DMD: variants seen among roughly 807,000 people sequenced by gnomAD.
The protein encoded by DMD is mutant dystrophin.
DMD carries 63 observed loss-of-function variants against 330.1 expected under a neutral mutation model. The ratio of observed to expected loss-of-function variants is 0.19; its 90% CI spans 0.16 to 0.24. The LOEUF is 0.24. Among genes scored for constraint, DMD ranks in the 10% least tolerant of loss-of-function variants. The probability of loss-of-function intolerance (pLI) is 1.00; values close to 1 mark genes in which losing one functional copy is unlikely to be tolerated. For synonymous variants in DMD, 1,223 were observed against 959.8 expected (o/e 1.27, Z -5.07); for missense variants, 3,344 against 2,684.1 (o/e 1.25, Z -5.43).
chrX:31,373,561 C>A (rs1459187012), intron 60 of DMD, among the ~76,000 whole-genome samples: 159 of 104,790 alleles, frequency 1.5e-3, no homozygotes, highest in African/African-American at 5.1e-3. Context: ...GAAAAACAAG[C>A]AATGGGGAAA....
intron 48 of DMD, among the ~76,000 whole-genome samples, chrX:31,862,132 A>AATT (rs1042728833): frequency 1.8e-5 from 2 of 109,557 alleles, no homozygotes; most frequent in Non-Finnish European, 3.8e-5. Flanking sequence ...AAATAAACAA[A>AATT]ATTATTATTA....
intron 55 of DMD, among the ~76,000 whole-genome samples, chrX:31,560,489 T>C (rs1181679429): frequency 8.9e-6 from 1 of 111,814 alleles, no homozygotes; most frequent in Non-Finnish European, 1.9e-5. Context: ...TGAATGGGCT[T>C]CACAATGATC....
chrX:32,878,250 C>A (rs1250009820), intron 2 of DMD, among the ~76,000 whole-genome samples: 1 of 110,019 alleles, frequency 9.1e-6, no homozygotes, highest in Admixed American at 9.6e-5. Context: ...TAGTGGCGGG[C>A]GCCTGTAGTC....
chrX:31,230,589 T>C (rs1368824462), intron 63 of DMD, among the ~76,000 whole-genome samples: 1 of 108,396 alleles, frequency 9.2e-6, no homozygotes, highest in African/African-American at 3.4e-5. Flanking sequence ...GTGGAGGTTG[T>C]AGTGAGCTGA....
At chrX:31,779,814 T>C (rs1439309610) in intron 50 of DMD, among the ~76,000 whole-genome samples, 7 of 110,728 alleles carry the variant, frequency 6.3e-5, no homozygotes, top group Non-Finnish European at 1.3e-4. Flanking sequence ...CATGCATTCA[T>C]TAGAAAATTA....
intron 2 of DMD, chrX:32,960,208 A>C (rs1434706326): frequency 9.0e-6 from 1 of 111,571 alleles, no homozygotes; most frequent in Non-Finnish European, 1.9e-5. Context: ...ATGGACTTAC[A>C]CTGTTCAGAA....
intron 67 of DMD, among the ~76,000 whole-genome samples, chrX:31,183,497 G>A (rs758253972): frequency 3.9e-4 from 43 of 111,347 alleles, no homozygotes; most frequent in African/African-American, 1.2e-3. Context: ...CTGTTTTCAT[G>A]ATGCCCTGTT....
At chrX:32,665,136 TTA>T (rs770807470) in intron 9 of DMD, among the ~76,000 whole-genome samples, 2 of 112,279 alleles carry the variant, frequency 1.8e-5, no homozygotes, top group African/African-American at 6.5e-5. Flanking sequence ...GTTGAACAAA[TTA>T]TGTGTCATTT....
At chrX:32,619,372 T>A (rs1327956761) in intron 11 of DMD, among the ~76,000 whole-genome samples, 1 of 111,119 alleles carries the variant, frequency 9.0e-6, no homozygotes, top group East Asian at 2.8e-4. Context: ...GTCAAAATAT[T>A]CAAGTGATGT....
chrX:31,729,721 G>C lies in DMD; in HGVS notation c.7570C>G (p.Arg2524Gly). The change falls in exon 52 of 79, where the codon CGT becomes GGT. Residue 2524 changes from arginine to glycine, a missense_variant. By Grantham distance (125) the Arg-to-Gly change is moderately radical. Coordinates refer to ENST00000357033, the MANE Select transcript of DMD (RefSeq NM_004006.3). ...KATMQDLEQR[R>G]PQLEELITAA... ...GTAATGAGTTCTTCCAACTGGGGACGCCTCTGTTCCAAATCCTGCATTGTT... is the reference window on the plus strand; with the variant it reads ...GTAATGAGTTCTTCCAACTGGGGACCCCTCTGTTCCAAATCCTGCATTGTT... 8.3e-7 allele frequency: 1 copy of C among 1,210,879 alleles called. No individual in the cohort carries two copies. The highest frequency in any genetic ancestry group is 1.1e-6 in the Non-Finnish European group (1 of 894,824).
chrX:32,877,220 T>C (rs146747224), intron 2 of DMD, among the ~76,000 whole-genome samples: 26 of 112,134 alleles, frequency 2.3e-4, no homozygotes, highest in African/African-American at 8.1e-4. Flanking sequence ...TATGGATTGA[T>C]ATGTCTGACT....
At chrX:32,543,114 G>A (rs1000266118) in intron 17 of DMD, among the ~76,000 whole-genome samples, 3 of 111,602 alleles carry the variant, frequency 2.7e-5, no homozygotes, top group East Asian at 2.8e-4. Context: ...AAATACATGC[G>A]ATGCCAATAA....
At chrX:32,779,857 T>C (rs1274615474) in intron 7 of DMD, among the ~76,000 whole-genome samples, 3 of 110,826 alleles carry the variant, frequency 2.7e-5, no homozygotes, top group Non-Finnish European at 3.8e-5. Flanking sequence ...ACCCTAAAAG[T>C]ATAATAAAAA....
At chrX:31,507,906 G>T (rs59172405) in intron 55 of DMD, among the ~76,000 whole-genome samples, 3 of 111,432 alleles carry the variant, frequency 2.7e-5, no homozygotes, top group Non-Finnish European at 5.6e-5. Context: ...CCATAAAAGC[G>T]TGGAGAGACT....
chrX:31,390,003 C>A (rs955282812), intron 60 of DMD, among the ~76,000 whole-genome samples: 14 of 111,723 alleles, frequency 1.3e-4, no homozygotes, highest in African/African-American at 4.2e-4. Flanking sequence ...CTCATTGCTT[C>A]ATATCTCAGA....
intron 2 of DMD, among the ~76,000 whole-genome samples, chrX:32,899,538 G>A (rs1234649105): frequency 9.2e-6 from 1 of 108,644 alleles, no homozygotes; most frequent in Non-Finnish European, 1.9e-5. Context: ...GCTGGTCGTG[G>A]TGGCACGTGC....
chrX:32,801,044 G>A (rs780403355), intron 7 of DMD, among the ~76,000 whole-genome samples: 1 of 111,570 alleles, frequency 9.0e-6, no homozygotes, highest in African/African-American at 3.3e-5. Flanking sequence ...TATATACCCA[G>A]TGATGGGATT....
At chrX:31,790,158 C>T (rs933576166) in intron 50 of DMD, among the ~76,000 whole-genome samples, 1 of 111,707 alleles carries the variant, frequency 9.0e-6, no homozygotes, top group African/African-American at 3.2e-5. Flanking sequence ...AATACAAGAA[C>T]GTGAACAGAG....
Position 31,177,932 on chromosome X carries a change from G to A in DMD, c.10262C>T (p.Ala3421Val), listed in dbSNP as rs104894791. The change falls in exon 71 of 79, where the codon GCG becomes GTG. Residue 3421 changes from alanine to valine, a missense_variant and splice_region_variant. Physicochemically the swap from Ala to Val is moderately conservative, Grantham distance 64. Coordinates refer to ENST00000357033, the MANE Select transcript of DMD (RefSeq NM_004006.3). ...TLINFWPVDS[A>V]PASSPQLSHD... ...ACCCTTCAGCAAAAAAAGTACTCAC[G>A]CAGAATCTACTGGCCAGAAGTTGAT... 1.0e-5 allele frequency: 12 copies of A among 1,205,949 alleles called. No individual in the cohort carries two copies. Among genetic ancestry groups the A allele is most frequent in the Admixed American group, 2.2e-5 (1 of 45,848 alleles).
Sources: gnomAD v4.1 joint callset for allele counts (sites outside exome capture counted in the v4.1 genomes callset) on GRCh38, gnomAD v4.1.1 for gene constraint, MANE v1.5 for transcripts, NCBI Gene and HGNC (gene_info 2026-07-23, HGNC 2026-07-21) for gene names.